Variants in FHIT observed in about 807,000 individuals in gnomAD.
The protein encoded by FHIT is bis(5'-adenosyl)-triphosphatase.
A neutral mutation model predicts 17.9 loss-of-function variants in FHIT; 19 were observed. The ratio of observed to expected loss-of-function variants is 1.06; its 90% CI spans 0.74 to 1.56. The LOEUF is 1.56. FHIT is among the 40% of genes most tolerant of loss of function. The probability of loss-of-function intolerance (pLI) is 0.00; values close to 1 mark genes in which losing one functional copy is unlikely to be tolerated. For missense variants in FHIT, 248 were observed against 189.2 expected, an observed-to-expected ratio of 1.31 and a Z score of -1.82; for synonymous variants, 81 against 69.7, an observed-to-expected ratio of 1.16 and a Z score of -0.81.
At chr3:60,447,346 G>A (rs891027893) in intron 5 of FHIT, among the ~76,000 whole-genome samples, 1 of 152,020 alleles carries the variant, frequency 6.6e-6, no homozygotes, top group Non-Finnish European at 1.5e-5. Context: ...AAGAAATAAT[G>A]TTTTTATTCT....
intron 7 of FHIT, among the ~76,000 whole-genome samples, chr3:60,005,107 T>C (rs1699872470): frequency 6.6e-6 from 1 of 152,188 alleles, no homozygotes; most frequent in Non-Finnish European, 1.5e-5. Context: ...CAGTATGCTT[T>C]AACTTCCCTG....
rs570809365 is a variant in FHIT, at chr3:60,226,235, G to T, written c.104-212083C>A. Among the ~76,000 whole-genome samples, 5 of 152,208 alleles carry T rather than the reference G, an allele frequency of 3.3e-5. 1 individual carries two copies. In the South Asian group the frequency reaches 1.0e-3, roughly 32 times the overall value. ...CACCTATAATCCCAGCACTTTGGGA[G>T]GCTGAGGCAGGCAGCCCACCTGAGG... On this transcript the variant is annotated intron_variant, in intron 5 of 9. Coordinates refer to ENST00000492590, the MANE Select transcript of FHIT (RefSeq NM_002012.4).
At chr3:60,663,780 T>C (rs782736153) in intron 4 of FHIT, among the ~76,000 whole-genome samples, 10 of 152,170 alleles carry the variant, frequency 6.6e-5, no homozygotes, top group Non-Finnish European at 1.2e-4. Context: ...CTATTGTAAT[T>C]GATACACTGT....
At chr3:60,874,432 T>A (rs1704552750) in intron 3 of FHIT, among the ~76,000 whole-genome samples, 1 of 152,162 alleles carries the variant, frequency 6.6e-6, no homozygotes. Flanking sequence ...AAACTGAATG[T>A]GGAATGGTAT....
In FHIT at chr3:60,955,633, T is replaced by TATACACAC. The variant is rs1272864632; in HGVS notation, c.-111+86413_-111+86414insGTGTGTAT. Among the ~76,000 whole-genome samples the TATACACAC allele has an allele frequency of 6.9e-3, 271 of 39,364 alleles. 1 individual carries two copies. The highest frequency in any genetic ancestry group is 0.02 in the African/African-American group (243 of 12,312). The allele number at this position is 39,364 out of a possible 152,430, so 25.8% of individuals were successfully genotyped here. A position where few individuals can be genotyped will look rare whatever the true frequency, so the allele number is the denominator to read the frequency against. On this transcript the variant is annotated intron_variant, in intron 3 of 9. Coordinates refer to ENST00000492590, the MANE Select transcript of FHIT (RefSeq NM_002012.4). ...ATATATATATATATATATATATATA[T>TATACACAC]ACACACACACACATATATACATGTG...
At chr3:61,082,884 C>T (rs2035184484) in intron 2 of FHIT, among the ~76,000 whole-genome samples, 1 of 151,922 alleles carries the variant, frequency 6.6e-6, no homozygotes, top group East Asian at 1.9e-4. Flanking sequence ...TTCTCCCATC[C>T]AAGTACTAAT....
chr3:60,019,040 A>G (rs953976330), intron 5 of FHIT, among the ~76,000 whole-genome samples: 1 of 152,176 alleles, frequency 6.6e-6, no homozygotes, highest in Non-Finnish European at 1.5e-5. Flanking sequence ...AAGTCTGTGG[A>G]TGGTTTTTGC....
At chr3:59,869,270 G>A (rs912040184) in intron 8 of FHIT, among the ~76,000 whole-genome samples, 1 of 152,038 alleles carries the variant, frequency 6.6e-6, no homozygotes, top group Non-Finnish European at 1.5e-5. Flanking sequence ...CTTTCTACCA[G>A]ATGAGCCAAG....
At chr3:60,960,565 G>A (rs1024372052) in intron 3 of FHIT, among the ~76,000 whole-genome samples, 2 of 151,952 alleles carry the variant, frequency 1.3e-5, no homozygotes, top group African/African-American at 2.4e-5. Context: ...AATGCTATCC[G>A]TCCCTCCTCC....
intron 5 of FHIT, among the ~76,000 whole-genome samples, chr3:60,193,976 T>C (rs997274307): frequency 5.9e-5 from 9 of 152,206 alleles, no homozygotes; most frequent in Admixed American, 1.3e-4. Context: ...CCAATGATCA[T>C]GGATTGGAAG....
intron 3 of FHIT, among the ~76,000 whole-genome samples, chr3:61,030,126 C>T (rs529674860): frequency 4.6e-5 from 7 of 152,220 alleles, no homozygotes; most frequent in South Asian, 2.1e-4. Flanking sequence ...TGTACCACCA[C>T]GCCTGGCTAA....
chr3:59,986,578 C>CACACACACATATAT (rs1708937049), intron 7 of FHIT, among the ~76,000 whole-genome samples: 8 of 58,364 alleles, frequency 1.4e-4, no homozygotes, highest in Admixed American at 8.4e-4. Context: ...CATATATACA[C>CACACACACATATAT]ACACACACAC....
In FHIT at chr3:59,748,977, A is replaced by G. The variant is rs1200681061; in HGVS notation, c.*608T>C. Among the ~76,000 whole-genome samples, 2 of 152,144 alleles carry G rather than the reference A, an allele frequency of 1.3e-5. No individual in the cohort carries two copies. The highest frequency in any genetic ancestry group is 1.9e-4 in the East Asian group (1 of 5,174). ...CAGTTTTGCAGAGTGAGCACCATGA[A>G]TGTCTTTAAACTTGCTCTGCCTAAG... On this transcript the variant is annotated 3_prime_UTR_variant, in exon 10 of 10. Transcript: ENST00000492590.
intron 5 of FHIT, among the ~76,000 whole-genome samples, chr3:60,401,081 C>T (rs748664696): frequency 1.3e-5 from 2 of 152,114 alleles, no homozygotes; most frequent in Non-Finnish European, 2.9e-5. Flanking sequence ...CCCAATTCTG[C>T]AGCCCCTGGT....
intron 5 of FHIT, among the ~76,000 whole-genome samples, chr3:60,376,273 A>C (rs896980817): frequency 1.2e-4 from 18 of 152,222 alleles, no homozygotes; most frequent in African/African-American, 4.3e-4. Flanking sequence ...AGAGCTGCTG[A>C]CTTACCATTT....
chr3:61,000,759 C>A (rs1334854181), intron 3 of FHIT, among the ~76,000 whole-genome samples: 2 of 152,046 alleles, frequency 1.3e-5, no homozygotes, highest in East Asian at 3.9e-4. Context: ...CGGCTGCAAC[C>A]CCAAAACAGC....
intron 5 of FHIT, among the ~76,000 whole-genome samples, chr3:60,261,089 A>T (rs1484341553): frequency 6.6e-6 from 1 of 152,106 alleles, no homozygotes; most frequent in Non-Finnish European, 1.5e-5. Flanking sequence ...TCAGTTGAGC[A>T]GCCCAAACTG....
rs72877073 is a variant in FHIT at position 60,001,580 on chromosome 3, A to C, written c.279+9791T>G. Among the ~76,000 whole-genome samples the C allele has an allele frequency of 5.9e-3, 897 of 152,326 alleles. 3 individuals are homozygous for C. The highest frequency in any genetic ancestry group is 0.02 in the African/African-American group (844 of 41,582). On this transcript the variant is annotated intron_variant, in intron 7 of 9. Transcript: ENST00000492590. Reference sequence around the variant, plus strand: ...TCAGAACTGGAAGCAGCTACCTCACAGTGCTTTGAGTTTCCAGGTATAGAG... The same window carrying C: ...TCAGAACTGGAAGCAGCTACCTCACCGTGCTTTGAGTTTCCAGGTATAGAG...
intron 7 of FHIT, among the ~76,000 whole-genome samples, chr3:59,945,646 A>T (rs777059803): frequency 4.0e-5 from 6 of 151,824 alleles, no homozygotes; most frequent in Non-Finnish European, 5.9e-5. Flanking sequence ...GAGTTTTTAC[A>T]TTTAAGTCTT....
Sources: gnomAD v4.1 joint callset for allele counts (sites outside exome capture counted in the v4.1 genomes callset) on GRCh38, gnomAD v4.1.1 for gene constraint, MANE v1.5 for transcripts, NCBI Gene and HGNC (gene_info 2026-07-23, HGNC 2026-07-21) for gene names.